The following GNB4 variants were observed in gnomAD, a reference collection of about 807,000 sequenced individuals.
GNB4 encodes the protein G protein subunit beta 4.
Under a neutral mutation model 45.2 loss-of-function variants are expected in GNB4, and 28 were observed. That is an observed-to-expected ratio of 0.62 (90% confidence interval 0.46 to 0.85). The LOEUF (loss-of-function observed/expected upper bound fraction) is 0.85. GNB4 is among the 40% of genes least tolerant of loss of function. The pLI is 0.00. For synonymous variants in GNB4, 132 were observed against 143.7 expected, an observed-to-expected ratio of 0.92 and a Z score of 0.58; for missense variants, 321 against 425.4, an observed-to-expected ratio of 0.75 and a Z score of 2.16.
At chr3:179,417,634 C>T (rs752791635) in intron 4 of GNB4, among the ~76,000 whole-genome samples, 3 of 152,092 alleles carry the variant, frequency 2.0e-5, no homozygotes, top group Non-Finnish European at 4.4e-5. Context: ...GTGATCCACT[C>T]GCTTGGCCTC....
Position 179,414,931 on chromosome 3 carries a change from G to C in GNB4, c.384C>G (p.Thr128=). 6.2e-7 allele frequency: 1 copy of C among 1,605,606 alleles called. No individual in the cohort carries two copies. Among genetic ancestry groups the C allele is most frequent in the South Asian group, 1.1e-5 (1 of 89,822 alleles). ...GGCTTACTCTCACATTTCCCTCTCT[G>C]GTCTTTAAGTTATATATAGAGCAGA... ...DNICSIYNLK[T]REGNVRVSRE... Residue 128 remains threonine, a synonymous_variant, in exon 6 of 10, where the codon ACC becomes ACG. Transcript: ENST00000232564.
intron 2 of GNB4, among the ~76,000 whole-genome samples, chr3:179,423,013 G>C (rs559503888): frequency 6.6e-6 from 1 of 151,974 alleles, no homozygotes; most frequent in Non-Finnish European, 1.5e-5. Context: ...GGATGGTTTC[G>C]ATCTCCTGAC....
the GNB4 span, among the ~76,000 whole-genome samples, chr3:179,469,093 G>C: frequency 6.6e-6 from 1 of 152,272 alleles, no homozygotes; most frequent in East Asian, 1.9e-4. Context: ...AAGGCACTCT[G>C]CTCCCCTTCT....
the GNB4 span, chr3:179,465,129 C>A: frequency 7.6e-7 from 1 of 1,324,050 alleles, no homozygotes; most frequent in Non-Finnish European, 1.1e-6. Flanking sequence ...CTGATCACAG[C>A]AGATATGATC....
At position 179,448,636 on chromosome 3, in the gene GNB4, G is replaced by A. The variant is rs188968007; in HGVS notation, c.-43+2710C>T. ...CCAAAACTCAAAACTATGCAAAAAA[G>A]TACATTCAGAACAAGGCCATTCCTT... On this transcript the variant is annotated intron_variant, in intron 1 of 9. Transcript: ENST00000232564. 6.0e-3 allele frequency among the ~76,000 whole-genome samples: 917 copies of A among 152,242 alleles called. 8 individuals are homozygous for A. The highest frequency in any genetic ancestry group is 0.021 in the African/African-American group (876 of 41,530).
upstream of GNB4, chr3:179,452,464 G>A (rs529945396): frequency 3.3e-5 from 5 of 152,256 alleles, no homozygotes; most frequent in African/African-American, 1.2e-4. Flanking sequence ...TCTTTGTGGA[G>A]TTTCTGTGCC....
At position 179,414,096 on chromosome 3, in the gene GNB4, T is replaced by C. The variant is rs192999393; in HGVS notation, c.431-315A>G. 2.9e-3 allele frequency among the ~76,000 whole-genome samples: 440 copies of C among 152,312 alleles called. 1 individual carries two copies. The highest frequency in any genetic ancestry group is 3.4e-3 in the Non-Finnish European group (232 of 68,022). ...GGAAGAACTATAATCTATGGCCGAC[T>C]GTGTTAAGCACCCTGGAGAAATAGT... On this transcript the variant is annotated intron_variant, in intron 6 of 9. Transcript: ENST00000232564.
At chr3:179,401,748 G>A (rs557239783) in intron 9 of GNB4, among the ~76,000 whole-genome samples, 46 of 152,258 alleles carry the variant, frequency 3.0e-4, no homozygotes, top group Non-Finnish European at 4.9e-4. Flanking sequence ...CCACAGGAAC[G>A]ACAAAAACGT....
the GNB4 span, among the ~76,000 whole-genome samples, chr3:179,485,020 T>C: frequency 8.0e-6 from 1 of 125,018 alleles, no homozygotes; most frequent in South Asian, 2.9e-4. Flanking sequence ...TTTTTTTTTT[T>C]TTTTTTTTGA....
the GNB4 span, among the ~76,000 whole-genome samples, chr3:179,491,495 A>G: frequency 3.9e-5 from 6 of 152,262 alleles, no homozygotes; most frequent in East Asian, 7.7e-4. Context: ...AGGTTGTCCC[A>G]GGAATGACAA....
the GNB4 span, among the ~76,000 whole-genome samples, chr3:179,519,250 C>A: frequency 6.6e-6 from 1 of 151,992 alleles, no homozygotes; most frequent in Non-Finnish European, 1.5e-5. Context: ...TCAACTCACC[C>A]GGTAGCCACT....
chr3:179,522,118 CCT>C, the GNB4 span, among the ~76,000 whole-genome samples: 1 of 152,120 alleles, frequency 6.6e-6, no homozygotes, highest in Non-Finnish European at 1.5e-5. Flanking sequence ...CATCATATCC[CCT>C]GTGACCTGCA....
chr3:179,465,377 G>T, the GNB4 span: 1 of 719,376 alleles, frequency 1.4e-6, no homozygotes, highest in South Asian at 1.6e-5. Context: ...GCCGAGGCGG[G>T]CGAATCACGA....
chr3:179,496,125 A>T, the GNB4 span, among the ~76,000 whole-genome samples: 2 of 152,190 alleles, frequency 1.3e-5, no homozygotes, highest in African/African-American at 4.8e-5. Flanking sequence ...AGAAATAATG[A>T]TATCTACAAT....
At chr3:179,434,072 G>A (rs1715380073) in intron 1 of GNB4, among the ~76,000 whole-genome samples, 2 of 152,186 alleles carry the variant, frequency 1.3e-5, no homozygotes, top group African/African-American at 2.4e-5. Flanking sequence ...ATCTAACAAA[G>A]GTGACGACAC....
At chr3:179,441,311 G>T (rs899453511) in intron 1 of GNB4, among the ~76,000 whole-genome samples, 1 of 152,144 alleles carries the variant, frequency 6.6e-6, no homozygotes, top group African/African-American at 2.4e-5. Context: ...CATACACCTA[G>T]GCTCTATAGC....
the GNB4 span, among the ~76,000 whole-genome samples, chr3:179,468,044 A>ATATATATATATATATATG: frequency 1.6e-3 from 155 of 99,020 alleles, 29 homozygotes; most frequent in East Asian, 0.017. Flanking sequence ...AAATATATAT[A>ATATATATATATATATATG]TATATAGAAC....
At chr3:179,500,900 G>T in the GNB4 span, among the ~76,000 whole-genome samples, 1 of 152,192 alleles carries the variant, frequency 6.6e-6, no homozygotes, top group Non-Finnish European at 1.5e-5. Context: ...TGGTGTACAG[G>T]AATGCTTGTG....
intron 8 of GNB4, 34 bp from the exon 9 acceptor site, chr3:179,405,440 GA>G: frequency 7.0e-7 from 1 of 1,425,272 alleles, no homozygotes; most frequent in South Asian, 1.2e-5. Flanking sequence ...TTATTCTACA[GA>G]TGTATGCACA....
Sources: allele counts gnomAD v4.1 joint callset (sites outside exome capture counted in the v4.1 genomes callset), GRCh38; gene constraint gnomAD v4.1.1; transcripts MANE v1.5; gene names NCBI Gene and HGNC (gene_info 2026-07-23, HGNC 2026-07-21).